Variants in PLEKHA5 observed in about 807,000 individuals in gnomAD.
PLEKHA5 encodes the protein pleckstrin homology domain-containing family A member 5.
In PLEKHA5, 55 loss-of-function variants were observed where a neutral mutation model predicts 181.9. The ratio of observed to expected loss-of-function variants is 0.30; its 90% CI spans 0.24 to 0.38. PLEKHA5 has a LOEUF of 0.38. Ranked by LOEUF, PLEKHA5 falls within the 10% of genes least tolerant of loss-of-function variation. The pLI, the probability that PLEKHA5 is intolerant of heterozygous loss-of-function variation, is 1.00. For missense variants in PLEKHA5, 1,432 were observed against 1,549.5 expected (o/e 0.92, Z 1.27); for synonymous variants, 535 against 529.4 (o/e 1.01, Z -0.15).
intron 21 of PLEKHA5, among the ~76,000 whole-genome samples, chr12:19,337,548 CAAAA>C (rs1157232818): frequency 3.2e-5 from 2 of 61,684 alleles, no homozygotes; most frequent in African/African-American, 5.2e-5. Flanking sequence ...GACTCTATCT[CAAAA>C]AAAAAAAAAA....
At chr12:19,133,342 A>C (rs2034583030) in intron 3 of PLEKHA5, among the ~76,000 whole-genome samples, 1 of 151,986 alleles carries the variant, frequency 6.6e-6, no homozygotes, top group South Asian at 2.1e-4. Context: ...AACGAAAAAT[A>C]TGGGTGGTTT....
intron 21 of PLEKHA5, among the ~76,000 whole-genome samples, chr12:19,337,018 G>C (rs1442354985): frequency 1.9e-5 from 1 of 52,466 alleles, no homozygotes; most frequent in East Asian, 5.7e-4. Context: ...ACAGAGTTTT[G>C]CTCTTGTTGC....
intron 3 of PLEKHA5, among the ~76,000 whole-genome samples, chr12:19,186,717 T>C (rs1173947724): frequency 6.6e-6 from 1 of 152,200 alleles, no homozygotes; most frequent in Non-Finnish European, 1.5e-5. Context: ...ATACCATTTA[T>C]GGTTCGTATC....
At position 19,290,678 on chromosome 12, in the gene PLEKHA5, C is replaced by T; in HGVS notation, c.1865C>T (p.Pro622Leu). 6.5e-7 allele frequency: 1 copy of T among 1,534,004 alleles called. No homozygotes were observed. Among genetic ancestry groups the T allele is most frequent in the Non-Finnish European group, 8.7e-7 (1 of 1,145,384 alleles). ...VSPQSLQGKT[P>L]EELTLLLIKL... ...GATTCTTAAATTGTACTCCTTCAGC[C>T]AGAGGAGCTTACGCTGCTGCTAATA... Residue 622 changes from proline to leucine, a missense_variant and splice_region_variant, in exon 14 of 32, where the codon CCA becomes CTA. Transcript: ENST00000429027.
chr12:19,176,715 A>T (rs2047341766), intron 3 of PLEKHA5: 1 of 152,148 alleles, frequency 6.6e-6, no homozygotes. Context: ...TCACCTTCTT[A>T]TTTTGAGACA....
intron 11 of PLEKHA5, among the ~76,000 whole-genome samples, chr12:19,282,199 A>G (rs1447459237): frequency 6.6e-6 from 1 of 152,240 alleles, no homozygotes; most frequent in African/African-American, 2.4e-5. Context: ...TTAACATTTT[A>G]AAAGAATTAT....
intron 3 of PLEKHA5, among the ~76,000 whole-genome samples, chr12:19,246,114 G>A (rs1417633490): frequency 2.6e-5 from 4 of 151,248 alleles, no homozygotes; most frequent in Admixed American, 2.6e-4. Flanking sequence ...GAGTAGCTGG[G>A]ACTACAGGCG....
chr12:19,184,810 T>C (rs1000144203), intron 3 of PLEKHA5, among the ~76,000 whole-genome samples: 3 of 152,118 alleles, frequency 2.0e-5, no homozygotes, highest in African/African-American at 7.2e-5. Context: ...GTTACTTGAA[T>C]AGAAGTGATA....
At chr12:19,164,103 A>G (rs149724505) in intron 3 of PLEKHA5, among the ~76,000 whole-genome samples, 1 of 152,146 alleles carries the variant, frequency 6.6e-6, no homozygotes, top group East Asian at 1.9e-4. Context: ...TCAAATCAGA[A>G]AACTTGCTTA....
At chr12:19,231,012 T>C (rs2060459003) in intron 3 of PLEKHA5, among the ~76,000 whole-genome samples, 2 of 152,240 alleles carry the variant, frequency 1.3e-5, no homozygotes, top group Non-Finnish European at 2.9e-5. Context: ...GTCCTAAGGC[T>C]GTGTCTTAAT....
At chr12:19,323,199 G>A (rs2091330675) in intron 20 of PLEKHA5, among the ~76,000 whole-genome samples, 1 of 151,844 alleles carries the variant, frequency 6.6e-6, no homozygotes, top group South Asian at 2.1e-4. Flanking sequence ...TGTTTTACAG[G>A]GGAGATGAGT....
At chr12:19,264,586 A>G (rs1227723410) in intron 7 of PLEKHA5, among the ~76,000 whole-genome samples, 1 of 152,192 alleles carries the variant, frequency 6.6e-6, no homozygotes, top group African/African-American at 2.4e-5. Context: ...ACTTCCGTTC[A>G]TCCTTTTACG....
rs149859804 is a variant in PLEKHA5, at chr12:19,213,198, G to A, written c.228-40742G>A. 2.6e-3 allele frequency among the ~76,000 whole-genome samples: 393 copies of A among 152,160 alleles called. 1 individual carries two copies. Among genetic ancestry groups the A allele is most frequent in the African/African-American group, 9.1e-3 (376 of 41,528 alleles). On this transcript the variant is annotated intron_variant, in intron 3 of 31. Transcript: ENST00000429027. ...GTGTGCAGCGGCATGGATGGGGAAC[G>A]ATTTCTTCTGCCCAAGGATATGAGG...
At chr12:19,217,435 G>A (rs1036760307) in intron 3 of PLEKHA5, among the ~76,000 whole-genome samples, 2 of 152,148 alleles carry the variant, frequency 1.3e-5, no homozygotes, top group African/African-American at 4.8e-5. Flanking sequence ...CTTGGCATAC[G>A]GCCTGAGCAC....
At chr12:19,131,593 A>AT (rs1299950413) in intron 2 of PLEKHA5, among the ~76,000 whole-genome samples, 2 of 152,194 alleles carry the variant, frequency 1.3e-5, no homozygotes, top group African/African-American at 4.8e-5. Context: ...TATGAGTGAT[A>AT]TAAATAAGTG....
intron 3 of PLEKHA5, among the ~76,000 whole-genome samples, chr12:19,251,739 CAAAAAAAAAA>C (rs374276545): frequency 1.1e-3 from 74 of 65,616 alleles, no homozygotes; most frequent in Middle Eastern, 0.01. Flanking sequence ...GAGGCCCATC[CAAAAAAAAAA>C]AAAAAAAAAA....
Position 19,358,444 on chromosome 12 carries a change from G to A in PLEKHA5, c.3348+7G>A, listed in dbSNP as rs2095061776. 6 of 1,550,690 alleles carry A rather than the reference G, an allele frequency of 3.9e-6. No individual in the cohort carries two copies. The highest frequency in any genetic ancestry group is 5.3e-6 in the Non-Finnish European group (6 of 1,123,872). On this transcript the variant is annotated splice_region_variant and intron_variant, in intron 27 of 31. Transcript: ENST00000429027. ...TCCATTTAGGACTACTCAGGTATAT[G>A]AATTGCATTTGATTATTATTTTGTG...
At chr12:19,307,343 A>G (rs2084315590) in intron 15 of PLEKHA5, 1 of 314,428 alleles carries the variant, frequency 3.2e-6, no homozygotes, top group Admixed American at 4.6e-5. Flanking sequence ...ATGGTGGCGC[A>G]TGCCTGTAAT....
intron 2 of PLEKHA5, 144 bp from the exon 3 acceptor site, chr12:19,132,249 G>A: frequency 1.7e-6 from 1 of 605,690 alleles, no homozygotes; most frequent in Non-Finnish European, 2.9e-6. Context: ...AATGATATCT[G>A]TTGTATTGCC....
Sources: gnomAD v4.1 joint callset for allele counts (sites outside exome capture counted in the v4.1 genomes callset) on GRCh38, gnomAD v4.1.1 for gene constraint, MANE v1.5 for transcripts, NCBI Gene and HGNC (gene_info 2026-07-23, HGNC 2026-07-21) for gene names.